Variants in THADA observed in about 807,000 individuals in gnomAD.
THADA encodes tRNA (32-2'-O)-methyltransferase regulator THADA.
THADA carries 213 observed loss-of-function variants against 219.8 expected under a neutral mutation model. The observed-to-expected ratio is 0.97, with a 90% CI of 0.87 to 1.09. THADA has a LOEUF of 1.09. THADA is among the 50% of genes least tolerant of loss of function. The pLI, the probability that THADA is intolerant of heterozygous loss-of-function variation, is 0.00. For missense variants in THADA, 2,956 were observed against 2,311.3 expected, an observed-to-expected ratio of 1.28 and a Z score of -5.72; for synonymous variants, 1,018 against 828.9, an observed-to-expected ratio of 1.23 and a Z score of -3.92.
At position 43,231,022 on chromosome 2, in the gene THADA, G is replaced by A. The variant is rs1008002642; in HGVS notation, c.5788C>T (p.Leu1930=). The change falls in exon 38 of 38, where the codon CTA becomes TTA. Residue 1930 remains leucine (L), a synonymous_variant. Transcript: ENST00000405975. ...TAAGAGTCCCAAACACTGAGAACTA[G>A]GGTGTCTTCCCCTTCCTTTCCTTCC... is the stretch of plus-strand genomic sequence containing the variant. The part of the protein sequence containing the change: ...FLEGKEGEDT[L]VLSVWDSYAE... The A allele has an allele frequency of 2.5e-6, 4 of 1,613,914 alleles. No individual in the cohort carries two copies. Among genetic ancestry groups the A allele is most frequent in the Non-Finnish European group, 3.4e-6 (4 of 1,179,852 alleles).
At chr2:43,569,704 C>A (rs1336446456) in intron 14 of THADA, among the ~76,000 whole-genome samples, 1 of 138,808 alleles carries the variant, frequency 7.2e-6, no homozygotes, top group Admixed American at 7.0e-5. Context: ...TAATCTACCT[C>A]TTTCTTAAAA....
intron 36 of THADA, among the ~76,000 whole-genome samples, chr2:43,236,197 T>A (rs1436771775): frequency 1.3e-5 from 2 of 152,132 alleles, no homozygotes; most frequent in African/African-American, 4.8e-5. Flanking sequence ...TGGTGTGATG[T>A]GGCCAGAAGT....
intron 8 of THADA, among the ~76,000 whole-genome samples, chr2:43,580,193 G>GTT (rs112438660): frequency 1.3e-4 from 20 of 149,236 alleles, no homozygotes; most frequent in South Asian, 2.1e-4. Context: ...CCCAGCTAAT[G>GTT]TTTTTTTTTG....
chr2:43,328,169 T>C (rs895925357), intron 30 of THADA, among the ~76,000 whole-genome samples: 2 of 152,154 alleles, frequency 1.3e-5, no homozygotes, highest in African/African-American at 2.4e-5. Flanking sequence ...AGACAAACAA[T>C]AGGGGACTTG....
intron 29 of THADA, among the ~76,000 whole-genome samples, chr2:43,364,303 C>T (rs575891949): frequency 5.9e-5 from 9 of 152,254 alleles, no homozygotes; most frequent in African/African-American, 2.2e-4. Flanking sequence ...AGGGCCAGCA[C>T]TGCTATTAAA....
chr2:43,310,043 C>CT (rs968550401), intron 31 of THADA, among the ~76,000 whole-genome samples: 32 of 152,086 alleles, frequency 2.1e-4, no homozygotes, highest in African/African-American at 7.2e-4. Context: ...AACTATAAAA[C>CT]ACCCACTGAA....
intron 29 of THADA, among the ~76,000 whole-genome samples, chr2:43,380,922 A>C (rs1671934813): frequency 6.6e-6 from 1 of 152,008 alleles, no homozygotes; most frequent in Non-Finnish European, 1.5e-5. Flanking sequence ...AACATGCTGA[A>C]ACCCCGTCTC....
At chr2:43,440,601 G>A (rs1244997813) in intron 26 of THADA, among the ~76,000 whole-genome samples, 1 of 152,130 alleles carries the variant, frequency 6.6e-6, no homozygotes, top group Non-Finnish European at 1.5e-5. Flanking sequence ...GTAAATCTTT[G>A]AGTTTAGTAT....
chr2:43,239,754 A>AG (rs1330680522), intron 36 of THADA, among the ~76,000 whole-genome samples: 10 of 152,234 alleles, frequency 6.6e-5, no homozygotes, highest in African/African-American at 2.4e-4. Flanking sequence ...CCCTGCCCCT[A>AG]GCTCTGGAGA....
intron 36 of THADA, among the ~76,000 whole-genome samples, chr2:43,248,481 C>CT (rs1284866074): frequency 6.6e-6 from 1 of 152,064 alleles, no homozygotes; most frequent in African/African-American, 2.4e-5. Context: ...ATCTGCCCGC[C>CT]TTAGCCTCCC....
At chr2:43,334,903 G>A (rs184457877) in intron 30 of THADA, among the ~76,000 whole-genome samples, 19 of 152,346 alleles carry the variant, frequency 1.2e-4, no homozygotes, top group African/African-American at 4.3e-4. Flanking sequence ...CCTCAACACA[G>A]GTGATCCCAG....
chr2:43,435,384 G>T (rs891588511), intron 26 of THADA, among the ~76,000 whole-genome samples: 3 of 151,876 alleles, frequency 2.0e-5, no homozygotes, highest in Non-Finnish European at 4.4e-5. Flanking sequence ...ACTTGAATCT[G>T]GGAGGTGGAG....
At chr2:43,316,035 C>G (rs1405055311) in intron 31 of THADA, among the ~76,000 whole-genome samples, 1 of 152,170 alleles carries the variant, frequency 6.6e-6, no homozygotes, top group African/African-American at 2.4e-5. Context: ...CCCAACACCC[C>G]AGTTGCCATG....
chr2:43,459,234 C>T lies in THADA; in HGVS notation c.3836+26000G>A, dbSNP rs554605339. On this transcript the variant is annotated intron_variant, in intron 26 of 37. Transcript: ENST00000405975. ...GTGCATTTTCATCCTGACTTTTGCA[C>T]GGGAGCAGTCACCCTCACCTCCACT... Among the ~76,000 whole-genome samples, 15 of 152,292 alleles carry T rather than the reference C, an allele frequency of 9.8e-5. No homozygotes were observed. In the South Asian group the frequency reaches 2.5e-3, roughly 25 times the overall value.
At position 43,586,738 on chromosome 2, in the gene THADA, T is replaced by C. The variant is rs771180604; in HGVS notation, c.452-4A>G. ...AGATTATTAACACTTGCTCTACCTG[T>C]AGAGGAAAAAATGAACACTGGTAAG... On this transcript the variant is annotated splice_region_variant and splice_polypyrimidine_tract_variant and intron_variant, in intron 5 of 37. Transcript: ENST00000405975. 1.2e-5 allele frequency: 20 copies of C among 1,612,038 alleles called. No homozygotes were observed. In the East Asian group the frequency reaches 3.6e-4, roughly 29 times the overall value.
chr2:43,322,372 C>A (rs185733718), intron 30 of THADA, among the ~76,000 whole-genome samples: 72 of 151,824 alleles, frequency 4.7e-4, no homozygotes, highest in African/African-American at 1.7e-3. Flanking sequence ...GGCAGGGTGG[C>A]GGGCGCCTGT....
intron 29 of THADA, among the ~76,000 whole-genome samples, chr2:43,373,979 T>A (rs972439295): frequency 8.5e-5 from 13 of 152,236 alleles, no homozygotes; most frequent in African/African-American, 2.9e-4. Flanking sequence ...ACTTTAACAA[T>A]GTCAGTTTTC....
Position 43,556,371 on chromosome 2 carries a change from G to A in THADA, c.2648C>T (p.Ala883Val). 1.2e-6 allele frequency: 2 copies of A among 1,613,838 alleles called. No individual in the cohort carries two copies. Among genetic ancestry groups the A allele is most frequent in the Non-Finnish European group, 1.7e-6 (2 of 1,179,810 alleles). ...CATTAATGTGTTCCTTTCCACCACAGCAGCAGGCCTATCTCCATTATCACA... is the reference window on the plus strand; with the variant it reads ...CATTAATGTGTTCCTTTCCACCACAACAGCAGGCCTATCTCCATTATCACA... ...VACDNGDRPA[A>V]VVERNTLMVI... Residue 883 changes from alanine (A) to valine (V), a missense_variant, in exon 17 of 38, where the codon GCT becomes GTT. Ala to Val is a moderately conservative substitution (Grantham distance 64). Coordinates refer to ENST00000405975, the MANE Select transcript of THADA (RefSeq NM_022065.5).
intron 29 of THADA, among the ~76,000 whole-genome samples, chr2:43,383,574 G>A (rs188901607): frequency 1.1e-4 from 16 of 152,254 alleles, no homozygotes; most frequent in Admixed American, 7.2e-4. Flanking sequence ...CCTGAAAAAC[G>A]TTCATCTGAA....
Sources: gnomAD v4.1 joint callset for allele counts (sites outside exome capture counted in the v4.1 genomes callset) on GRCh38, gnomAD v4.1.1 for gene constraint, MANE v1.5 for transcripts, NCBI Gene and HGNC (gene_info 2026-07-23, HGNC 2026-07-21) for gene names.